The following POPDC2 variants were observed in gnomAD, a reference collection of about 807,000 sequenced individuals.
POPDC2 encodes popeye domain-containing protein 2.
POPDC2 carries 24 observed loss-of-function variants against 30.5 expected under a neutral mutation model. The ratio of observed to expected loss-of-function variants is 0.79; its 90% confidence interval spans 0.57 to 1.11. The LOEUF (loss-of-function observed/expected upper bound fraction) is 1.11. POPDC2 is among the 50% of genes least tolerant of loss of function. POPDC2 has a pLI of 0.00. For synonymous variants in POPDC2, 185 were observed against 183.3 expected, an observed-to-expected ratio of 1.01 and a Z score of -0.07; for missense variants, 409 against 447.0, an observed-to-expected ratio of 0.91 and a Z score of 0.77.
At chr3:119,644,861 GAGTAATAACCTTAT>G (rs1288308808) in intron 3 of POPDC2, among the ~76,000 whole-genome samples, 3 of 152,196 alleles carry the variant, frequency 2.0e-5, no homozygotes, top group African/African-American at 7.2e-5. Flanking sequence ...TTATTCATTA[GAGTAATAACCTTAT>G]AGCAAGTTTG....
Position 119,648,577 on chromosome 3 carries a change from CAGG to C in POPDC2, c.689_691del (p.Ser230del), listed in dbSNP as rs767957868. Reference sequence around the variant, plus strand: ...ATATCCCAGCAGAGCCGAGAAGAGGCAGGAGATGTATCGCTCTTTGGTCAGAAG... The same window carrying C: ...ATATCCCAGCAGAGCCGAGAAGAGGCAGATGTATCGCTCTTTGGTCAGAAG... On this transcript the variant is annotated inframe_deletion, in exon 3 of 4. Transcript: ENST00000493094. 2 of 1,614,092 alleles carry C rather than the reference CAGG, an allele frequency of 1.2e-6. No individual in the cohort carries two copies. The highest frequency in any genetic ancestry group is 1.7e-6 in the Non-Finnish European group (2 of 1,180,004).
At chr3:119,658,624 T>C (rs1041391931) in intron 1 of POPDC2, among the ~76,000 whole-genome samples, 15 of 152,276 alleles carry the variant, frequency 9.9e-5, no homozygotes, top group African/African-American at 3.6e-4. Flanking sequence ...ACAATAGTTA[T>C]ATGTATTTGT....
intron 1 of POPDC2, among the ~76,000 whole-genome samples, chr3:119,658,916 CTTT>C (rs35687726): frequency 0.42 from 58,036 of 139,640 alleles, 11,431 homozygotes; most frequent in South Asian, 0.54. Flanking sequence ...TCTGGATTTG[CTTT>C]TTTTTTTTTT....
rs138037961 is a variant in POPDC2 at position 119,647,571 on chromosome 3, C to T, written c.*43+548G>A. On this transcript the variant is annotated intron_variant, in intron 3 of 3. Transcript: ENST00000493094. ...TCTAGTCCTCTGTCTGTGTGATCAACAAACACATTCTCCACTGGGTGAGAG... is the reference window on the plus strand; with the variant it reads ...TCTAGTCCTCTGTCTGTGTGATCAATAAACACATTCTCCACTGGGTGAGAG... Among the ~76,000 whole-genome samples the T allele has an allele frequency of 5.0e-3, 769 of 152,328 alleles. 7 individuals are homozygous for T. The highest frequency in any genetic ancestry group is 0.017 in the African/African-American group (699 of 41,564).
Position 119,659,988 on chromosome 3 carries a change from A to AG in POPDC2, c.435dup (p.Tyr146LeufsTer6). The AG allele has an allele frequency of 6.2e-7, 1 of 1,613,160 alleles. No homozygotes were observed. The highest frequency in any genetic ancestry group is 8.5e-7 in the Non-Finnish European group (1 of 1,179,212). ...ATGGGTGTCTCACCCTCCACAGCAT[A>AG]GGTCTGTTCAGTGGCCAGAGTTAAG... On this transcript the variant is annotated frameshift_variant, in exon 1 of 4. Transcript: ENST00000493094. LOFTEE classifies it high-confidence loss of function.
rs536613750 is a variant in POPDC2, at chr3:119,655,049, C to T, written c.492-436G>A. Among the ~76,000 whole-genome samples, 53 of 152,182 alleles carry T rather than the reference C, an allele frequency of 3.5e-4. 1 individual carries two copies. The South Asian group carries it at 6.4e-3, about 18-fold the overall frequency. On this transcript the variant is annotated intron_variant, in intron 1 of 3. Transcript: ENST00000493094. The stretch of plus-strand genomic sequence containing the variant: ...CTGCTTAAGAACTCTGCTGCTGGCC[C>T]GGCGCAGTGGCTCACACCTGTAATC...
chr3:119,655,208 A>T (rs2052866188), intron 1 of POPDC2, among the ~76,000 whole-genome samples: 1 of 151,982 alleles, frequency 6.6e-6, no homozygotes, highest in Non-Finnish European at 1.5e-5. Flanking sequence ...GGTGCCTGTA[A>T]TCCCAGCTAC....
At chr3:119,655,509 C>T (rs1439223230) in intron 1 of POPDC2, among the ~76,000 whole-genome samples, 1 of 152,182 alleles carries the variant, frequency 6.6e-6, no homozygotes, top group Non-Finnish European at 1.5e-5. Flanking sequence ...ACAGAAAGTT[C>T]TGTTGGATCC....
intron 2 of POPDC2, among the ~76,000 whole-genome samples, chr3:119,652,263 G>A (rs2052820327): frequency 5.3e-5 from 8 of 152,144 alleles, no homozygotes; most frequent in Non-Finnish European, 1.5e-5. Flanking sequence ...TTGAATTGTC[G>A]AGAGGTGTGC....
chr3:119,648,716 G>T (rs1235271975), intron 2 of POPDC2, 48 bp from the exon 3 acceptor site: 2 of 1,508,994 alleles, frequency 1.3e-6, no homozygotes, highest in South Asian at 1.3e-5. Context: ...TAGAAAATTT[G>T]TCCATGCTGA....
chr3:119,652,178 G>C (rs2052819468), intron 2 of POPDC2, among the ~76,000 whole-genome samples: 1 of 152,190 alleles, frequency 6.6e-6, no homozygotes, highest in African/African-American at 2.4e-5. Flanking sequence ...TGATTTCTGT[G>C]TGATCCCTCC....
At chr3:119,657,739 G>A (rs569102897) in intron 1 of POPDC2, among the ~76,000 whole-genome samples, 22 of 152,252 alleles carry the variant, frequency 1.4e-4, no homozygotes, top group African/African-American at 2.9e-4. Flanking sequence ...TTCGTGGCTC[G>A]CTGAAGCCAT....
chr3:119,644,214 T>C (rs2052720760), intron 3 of POPDC2, among the ~76,000 whole-genome samples: 1 of 152,240 alleles, frequency 6.6e-6, no homozygotes, highest in African/African-American at 2.4e-5. Context: ...AAAGAAACAG[T>C]ATAGTTTTCA....
At chr3:119,657,677 G>A (rs2052894749) in intron 1 of POPDC2, among the ~76,000 whole-genome samples, 1 of 152,216 alleles carries the variant, frequency 6.6e-6, no homozygotes, top group African/African-American at 2.4e-5. Flanking sequence ...CGGCCACCCA[G>A]GCAAGCCACC....
intron 1 of POPDC2, among the ~76,000 whole-genome samples, chr3:119,659,542 C>T (rs904497510): frequency 6.6e-6 from 1 of 152,200 alleles, no homozygotes; most frequent in Non-Finnish European, 1.5e-5. Flanking sequence ...AACAGATTAA[C>T]CTTATTGAAA....
chr3:119,644,462 G>A (rs913399178), intron 3 of POPDC2, among the ~76,000 whole-genome samples: 1 of 152,156 alleles, frequency 6.6e-6, no homozygotes, highest in Admixed American at 6.5e-5. Flanking sequence ...GGGTCTGGCT[G>A]GAAGACCCTG....
intron 2 of POPDC2, among the ~76,000 whole-genome samples, chr3:119,653,433 G>A (rs2052839338): frequency 6.6e-6 from 1 of 152,034 alleles, no homozygotes; most frequent in Admixed American, 6.5e-5. Context: ...GCCCCATGGA[G>A]TCCTCTGGGA....
chr3:119,647,297 G>T (rs1023789011), intron 3 of POPDC2, among the ~76,000 whole-genome samples: 3 of 151,984 alleles, frequency 2.0e-5, no homozygotes, highest in African/African-American at 7.2e-5. Flanking sequence ...TGGTTGGGTG[G>T]AGTTACAGAG....
rs1304074753 is a variant in POPDC2, at chr3:119,642,457, G to C, written c.*148C>G. 6.4e-7 allele frequency: 1 copy of C among 1,561,696 alleles called. No homozygotes were observed. The highest frequency in any genetic ancestry group is 8.8e-7 in the Non-Finnish European group (1 of 1,132,698). ...AGAAGAGAGCTGCGCTGGCCACAGA[G>C]AAGATAGTCCAATGATCCTTAAAGT... On this transcript the variant is annotated 3_prime_UTR_variant, in exon 4 of 4. Transcript: ENST00000493094.
Sources: gnomAD v4.1 joint callset for allele counts (sites outside exome capture counted in the v4.1 genomes callset) on GRCh38, gnomAD v4.1.1 for gene constraint, MANE v1.5 for transcripts, NCBI Gene and HGNC (gene_info 2026-07-23, HGNC 2026-07-21) for gene names.